Variants in AGBL4 observed in about 807,000 individuals in gnomAD.
The protein encoded by AGBL4 is cytosolic carboxypeptidase 6.
Under a neutral mutation model 66.4 loss-of-function variants are expected in AGBL4, and 58 were observed. The ratio of observed to expected loss-of-function variants is 0.87; its 90% CI spans 0.71 to 1.09. AGBL4 has a LOEUF of 1.09. AGBL4 is among the 50% of genes least tolerant of loss of function. AGBL4 has a pLI of 0.00. For missense variants in AGBL4, 579 were observed against 631.0 expected (o/e 0.92, Z 0.88); for synonymous variants, 234 against 222.9 (o/e 1.05, Z -0.44).
chr1:49,101,275 C>T (rs1645196653), intron 4 of AGBL4, among the ~76,000 whole-genome samples: 1 of 152,170 alleles, frequency 6.6e-6, no homozygotes, highest in African/African-American at 2.4e-5. Context: ...GCAACCTCCG[C>T]CTCCCAGGTT....
At chr1:49,781,130 C>G (rs554192025) in intron 2 of AGBL4, among the ~76,000 whole-genome samples, 2 of 152,190 alleles carry the variant, frequency 1.3e-5, no homozygotes, top group African/African-American at 4.8e-5. Context: ...TGGCGCACAC[C>G]TAAAATCCCA....
chr1:49,677,893 A>C (rs187231158), intron 3 of AGBL4, among the ~76,000 whole-genome samples: 26 of 152,260 alleles, frequency 1.7e-4, no homozygotes, highest in Admixed American at 5.2e-4. Context: ...GAACTTAACT[A>C]TGCTGGCACC....
At chr1:49,952,288 C>T (rs1416758871) in intron 1 of AGBL4, among the ~76,000 whole-genome samples, 1 of 151,774 alleles carries the variant, frequency 6.6e-6, no homozygotes, top group Non-Finnish European at 1.5e-5. Flanking sequence ...CAACCGTACC[C>T]TGCAATCATA....
At chr1:48,758,886 G>A (rs1402696356) in intron 6 of AGBL4, 3 of 1,499,396 alleles carry the variant, frequency 2.0e-6, no homozygotes, top group Non-Finnish European at 2.7e-6. Context: ...TAGGTGACCT[G>A]CTGGGGCACT....
At chr1:49,792,137 A>T (rs1003890426) in intron 2 of AGBL4, among the ~76,000 whole-genome samples, 7 of 152,072 alleles carry the variant, frequency 4.6e-5, no homozygotes, top group Admixed American at 3.3e-4. Context: ...TTTTTATAAT[A>T]TGGTGGTATT....
chr1:50,007,565 C>G (rs1281240687), intron 1 of AGBL4, among the ~76,000 whole-genome samples: 2 of 152,056 alleles, frequency 1.3e-5, no homozygotes, highest in Non-Finnish European at 2.9e-5. Context: ...GAGTTCAAGA[C>G]CAGCCTGGGC....
chr1:49,705,797 A>G (rs1312076644), intron 2 of AGBL4, among the ~76,000 whole-genome samples: 1 of 152,086 alleles, frequency 6.6e-6, no homozygotes, highest in Admixed American at 6.6e-5. Context: ...ATCTATTGAT[A>G]TAATCATGTG....
intron 4 of AGBL4, among the ~76,000 whole-genome samples, chr1:49,206,404 T>C (rs912361777): frequency 1.3e-5 from 2 of 152,162 alleles, no homozygotes; most frequent in Non-Finnish European, 2.9e-5. Flanking sequence ...GAAGGTCTAA[T>C]ACAATTATTA....
At chr1:49,689,220 T>A (rs988058470) in intron 3 of AGBL4, among the ~76,000 whole-genome samples, 2 of 152,146 alleles carry the variant, frequency 1.3e-5, no homozygotes, top group African/African-American at 4.8e-5. Context: ...CAGATTTAAA[T>A]CATTAATCTC....
At chr1:49,460,364 T>C (rs1463666622) in intron 3 of AGBL4, among the ~76,000 whole-genome samples, 2 of 151,718 alleles carry the variant, frequency 1.3e-5, no homozygotes. Flanking sequence ...CTTCTTTAAC[T>C]ACTGTTGTTT....
chr1:49,891,333 G>C (rs1648621838), intron 1 of AGBL4, among the ~76,000 whole-genome samples: 1 of 152,154 alleles, frequency 6.6e-6, no homozygotes. Flanking sequence ...TGTAAGGAAA[G>C]TTCTAATTTC....
At chr1:49,628,313 C>T (rs1645503372) in intron 3 of AGBL4, among the ~76,000 whole-genome samples, 1 of 152,082 alleles carries the variant, frequency 6.6e-6, no homozygotes, top group African/African-American at 2.4e-5. Context: ...GAACTTTTCA[C>T]ACAACCTGGA....
At chr1:49,161,245 G>A (rs949566250) in intron 4 of AGBL4, among the ~76,000 whole-genome samples, 1 of 152,168 alleles carries the variant, frequency 6.6e-6, no homozygotes, top group African/African-American at 2.4e-5. Context: ...CACAGTATCT[G>A]GAGCCGAGTA....
chr1:48,591,308 G>A (rs939705713), intron 9 of AGBL4, among the ~76,000 whole-genome samples: 2 of 152,096 alleles, frequency 1.3e-5, no homozygotes, highest in Non-Finnish European at 2.9e-5. Context: ...AAGTCATGAT[G>A]TTACTTACTC....
At chr1:49,585,756 A>T (rs890584633) in intron 3 of AGBL4, among the ~76,000 whole-genome samples, 2 of 152,218 alleles carry the variant, frequency 1.3e-5, no homozygotes, top group Non-Finnish European at 2.9e-5. Flanking sequence ...TAATTAGATA[A>T]CTAATACAGA....
chr1:48,583,574 G>T (rs1644771043), intron 11 of AGBL4, among the ~76,000 whole-genome samples: 1 of 152,164 alleles, frequency 6.6e-6, no homozygotes, highest in African/African-American at 2.4e-5. Flanking sequence ...CCACAGCAGG[G>T]GTTAGACAAG....
At chr1:49,723,729 T>A (rs1648787332) in intron 2 of AGBL4, among the ~76,000 whole-genome samples, 1 of 152,116 alleles carries the variant, frequency 6.6e-6, no homozygotes, top group South Asian at 2.1e-4. Context: ...ATCCATCACA[T>A]GGCAAAGTGA....
chr1:48,670,430 C>T (rs921020644), intron 6 of AGBL4, among the ~76,000 whole-genome samples: 3 of 152,236 alleles, frequency 2.0e-5, no homozygotes, highest in African/African-American at 4.8e-5. Flanking sequence ...GCCATGCAGG[C>T]TGGCACCTGG....
At chr1:49,290,643 T>C (rs957342186) in intron 3 of AGBL4, among the ~76,000 whole-genome samples, 3 of 152,144 alleles carry the variant, frequency 2.0e-5, no homozygotes, top group African/African-American at 7.2e-5. Context: ...TTTGTGAATG[T>C]TTTCAGCAAA....
Sources: gnomAD v4.1 joint callset for allele counts (sites outside exome capture counted in the v4.1 genomes callset) on GRCh38, gnomAD v4.1.1 for gene constraint, MANE v1.5 for transcripts, NCBI Gene and HGNC (gene_info 2026-07-23, HGNC 2026-07-21) for gene names.